The following YEATS2 variants were observed in gnomAD, a reference collection of about 807,000 sequenced individuals.
YEATS2 encodes YEATS domain-containing protein 2.
In YEATS2, 77 loss-of-function variants were observed where a neutral mutation model predicts 163.2. The ratio of observed to expected loss-of-function variants is 0.47; its 90% CI spans 0.39 to 0.57. The LOEUF (loss-of-function observed/expected upper bound fraction) is 0.57, where lower values mean the gene tolerates loss of function less well. Among genes scored for constraint, YEATS2 ranks in the 20% least tolerant of loss-of-function variants. YEATS2 has a pLI of 0.00. For synonymous variants in YEATS2, 631 were observed against 645.1 expected, an observed-to-expected ratio of 0.98 and a Z score of 0.33; for missense variants, 1,549 against 1,729.8, an observed-to-expected ratio of 0.90 and a Z score of 1.85.
chr3:183,776,650 C>T (rs1723029311), intron 18 of YEATS2, among the ~76,000 whole-genome samples: 1 of 151,974 alleles, frequency 6.6e-6, no homozygotes, highest in East Asian at 1.9e-4. Flanking sequence ...TCCTGCCAAG[C>T]CAATGGTAGA....
At chr3:183,712,834 C>T (rs952140209) in intron 1 of YEATS2, among the ~76,000 whole-genome samples, 1 of 151,316 alleles carries the variant, frequency 6.6e-6, no homozygotes, top group Admixed American at 6.6e-5. Context: ...GATCTTGGCT[C>T]GCTGCAACCT....
At chr3:183,740,289 C>T (rs1397752466) in intron 8 of YEATS2, among the ~76,000 whole-genome samples, 5 of 152,000 alleles carry the variant, frequency 3.3e-5, no homozygotes, top group African/African-American at 9.6e-5. Context: ...AAAAAGTGGG[C>T]GAAGGACATG....
At chr3:183,703,113 C>G (rs1387731634) in intron 1 of YEATS2, among the ~76,000 whole-genome samples, 1 of 152,130 alleles carries the variant, frequency 6.6e-6, no homozygotes, top group Non-Finnish European at 1.5e-5. Context: ...TGTTTTTGAG[C>G]TCAGCTGTCT....
At chr3:183,773,886 G>A in intron 17 of YEATS2, 92 bp downstream of exon 17, 1 of 1,409,922 alleles carries the variant, frequency 7.1e-7, no homozygotes, top group Non-Finnish European at 9.4e-7. Flanking sequence ...CCTGTTTCAG[G>A]AAGCATTTCT....
chr3:183,718,449 C>A, intron 3 of YEATS2, 51 bp from the exon 4 acceptor site: 1 of 1,371,664 alleles, frequency 7.3e-7, no homozygotes, highest in Non-Finnish European at 1.0e-6. Context: ...GTTTGTACAT[C>A]TCTTTTATAA....
At chr3:183,781,917 T>TAAA (rs1723601043) in intron 19 of YEATS2, among the ~76,000 whole-genome samples, 1 of 145,850 alleles carries the variant, frequency 6.9e-6, no homozygotes, top group African/African-American at 2.6e-5. Context: ...AAAAAAAAAT[T>TAAA]TTTTTTTTCT....
At chr3:183,778,440 C>A (rs1034931653) in intron 19 of YEATS2, among the ~76,000 whole-genome samples, 3 of 152,188 alleles carry the variant, frequency 2.0e-5, no homozygotes, top group Admixed American at 2.0e-4. Flanking sequence ...CGTGGAAGAT[C>A]CAGAATGGGC....
intron 7 of YEATS2, among the ~76,000 whole-genome samples, chr3:183,731,813 C>T (rs1717812428): frequency 6.6e-6 from 1 of 152,160 alleles, no homozygotes; most frequent in Admixed American, 6.5e-5. Flanking sequence ...CTGATCTGTG[C>T]CACTCTGACA....
At chr3:183,709,610 C>T (rs951528080) in intron 1 of YEATS2, among the ~76,000 whole-genome samples, 5 of 151,892 alleles carry the variant, frequency 3.3e-5, no homozygotes, top group African/African-American at 1.2e-4. Flanking sequence ...GCTGAGATTA[C>T]AGGCCTGAGC....
chr3:183,700,846 A>G (rs1006325600), intron 1 of YEATS2, among the ~76,000 whole-genome samples: 3 of 151,490 alleles, frequency 2.0e-5, no homozygotes, highest in Admixed American at 6.6e-5. Flanking sequence ...AAATGTCCAG[A>G]AACAGGCAAG....
At chr3:183,806,223 C>T (rs1247641337) in intron 27 of YEATS2, 1 of 449,820 alleles carries the variant, frequency 2.2e-6, no homozygotes, top group South Asian at 1.6e-5. Flanking sequence ...CAGGATATAG[C>T]CCCAGCCATC....
chr3:183,796,278 G>A (rs1030086510), intron 21 of YEATS2, among the ~76,000 whole-genome samples: 1 of 151,306 alleles, frequency 6.6e-6, no homozygotes, highest in Non-Finnish European at 1.5e-5. Context: ...GATTACAGGC[G>A]TGAGCCACCG....
At chr3:183,724,320 AACTT>A (rs1343312320) in intron 5 of YEATS2, 95 bp from the exon 6 acceptor site, 2 of 886,054 alleles carry the variant, frequency 2.3e-6, no homozygotes, top group African/African-American at 1.7e-5. Flanking sequence ...TTTTTAAAAA[AACTT>A]AGTTATTCCA....
chr3:183,726,316 C>T (rs1465733383), intron 6 of YEATS2, among the ~76,000 whole-genome samples: 1 of 152,096 alleles, frequency 6.6e-6, no homozygotes, highest in Non-Finnish European at 1.5e-5. Flanking sequence ...TAGCGAATTC[C>T]TAAAAATGTT....
At chr3:183,792,620 C>T (rs1447255555) in intron 21 of YEATS2, among the ~76,000 whole-genome samples, 9 of 152,072 alleles carry the variant, frequency 5.9e-5, no homozygotes, top group Admixed American at 3.9e-4. Context: ...CGGGTTCAAG[C>T]GATTCTCCTG....
chr3:183,732,764 T>C (rs1387167747), intron 7 of YEATS2, among the ~76,000 whole-genome samples: 6 of 151,764 alleles, frequency 4.0e-5, no homozygotes, highest in Non-Finnish European at 7.4e-5. Context: ...GTTTCACTTA[T>C]TAGCCACGAT....
chr3:183,777,935 A>G (rs1723159561), intron 19 of YEATS2, among the ~76,000 whole-genome samples: 2 of 152,034 alleles, frequency 1.3e-5, no homozygotes, highest in African/African-American at 4.8e-5. Context: ...AACATAGTGA[A>G]ACCCCGTCTC....
At chr3:183,766,029 CAG>C (rs528438632) in intron 15 of YEATS2, among the ~76,000 whole-genome samples, 54 of 151,870 alleles carry the variant, frequency 3.6e-4, no homozygotes, top group African/African-American at 1.3e-3. Flanking sequence ...TTTGGGACAA[CAG>C]AAACACAGCT....
At chr3:183,703,960 A>G (rs1714366532) in intron 1 of YEATS2, among the ~76,000 whole-genome samples, 1 of 151,846 alleles carries the variant, frequency 6.6e-6, no homozygotes, top group Non-Finnish European at 1.5e-5. Flanking sequence ...CAGGAGTTCA[A>G]CCCTCCCTCT....
Sources: allele counts gnomAD v4.1 joint callset (sites outside exome capture counted in the v4.1 genomes callset), GRCh38; gene constraint gnomAD v4.1.1; transcripts MANE v1.5; gene names NCBI Gene and HGNC (gene_info 2026-07-23, HGNC 2026-07-21).